Variants in ENTREP2 observed in about 807,000 individuals in gnomAD.
The protein encoded by ENTREP2 is protein ENTREP2.
the ENTREP2 span, among the ~76,000 whole-genome samples, chr15:29,512,826 T>C: frequency 3.3e-5 from 5 of 152,318 alleles, no homozygotes; most frequent in African/African-American, 9.6e-5. Context: ...ACCTCCATAC[T>C]CCATCTCTAG....
chr15:29,574,987 C>T, the ENTREP2 span, among the ~76,000 whole-genome samples: 1 of 152,136 alleles, frequency 6.6e-6, no homozygotes, highest in East Asian at 1.9e-4. Flanking sequence ...TGAGGGAACA[C>T]CAAGCCTAGA....
chr15:29,237,733 C>T, the ENTREP2 span, among the ~76,000 whole-genome samples: 1 of 152,092 alleles, frequency 6.6e-6, no homozygotes, highest in Non-Finnish European at 1.5e-5. Context: ...TGCAGCTGCT[C>T]CGTAAAATGG....
chr15:29,181,200 A>G, the ENTREP2 span, among the ~76,000 whole-genome samples: 3,409 of 152,298 alleles, frequency 0.022, 117 homozygotes, highest in African/African-American at 0.078. Flanking sequence ...AAAACATTCT[A>G]ACATAGTCTC....
the ENTREP2 span, among the ~76,000 whole-genome samples, chr15:29,251,879 A>G: frequency 6.6e-6 from 1 of 152,164 alleles, no homozygotes; most frequent in Non-Finnish European, 1.5e-5. Context: ...CAATGTACAT[A>G]GCACACTGTC....
the ENTREP2 span, among the ~76,000 whole-genome samples, chr15:29,222,490 T>C: frequency 6.6e-6 from 1 of 152,202 alleles, no homozygotes; most frequent in African/African-American, 2.4e-5. Flanking sequence ...CAAGATCCAA[T>C]AGCCCTCTCT....
chr15:29,409,614 C>T, the ENTREP2 span, among the ~76,000 whole-genome samples: 5 of 143,392 alleles, frequency 3.5e-5, no homozygotes, highest in Non-Finnish European at 6.0e-5. Context: ...CATGAGCCAC[C>T]GTGCCCGGCC....
chr15:29,213,585 T>C, the ENTREP2 span, among the ~76,000 whole-genome samples: 1 of 152,182 alleles, frequency 6.6e-6, no homozygotes, highest in Non-Finnish European at 1.5e-5. Context: ...GATTTGGCTC[T>C]CTGCTTGTCT....
chr15:29,222,073 G>A, the ENTREP2 span, among the ~76,000 whole-genome samples: 47 of 152,280 alleles, frequency 3.1e-4, no homozygotes, highest in Admixed American at 1.2e-3. Flanking sequence ...GAGACCTACT[G>A]GGCTGCATTC....
the ENTREP2 span, among the ~76,000 whole-genome samples, chr15:29,450,596 C>T: frequency 4.6e-5 from 7 of 152,142 alleles, no homozygotes; most frequent in Non-Finnish European, 7.3e-5. Flanking sequence ...CCATTCAGCC[C>T]AGCAATCCTA....
chr15:29,603,331 C>T, the ENTREP2 span, among the ~76,000 whole-genome samples: 1 of 152,180 alleles, frequency 6.6e-6, no homozygotes, highest in Non-Finnish European at 1.5e-5. Context: ...CTTGTTAGAA[C>T]ACGAATTCTC....
At chr15:29,377,153 A>C in the ENTREP2 span, among the ~76,000 whole-genome samples, 1 of 152,238 alleles carries the variant, frequency 6.6e-6, no homozygotes, top group African/African-American at 2.4e-5. Context: ...CAGACAATAA[A>C]AGCAGGAGCT....
the ENTREP2 span, among the ~76,000 whole-genome samples, chr15:29,497,431 T>C: frequency 6.6e-6 from 1 of 152,184 alleles, no homozygotes; most frequent in African/African-American, 2.4e-5. Flanking sequence ...TTGTTACTGA[T>C]TCAAACTTCT....
At chr15:29,195,600 C>T in the ENTREP2 span, among the ~76,000 whole-genome samples, 1 of 152,342 alleles carries the variant, frequency 6.6e-6, no homozygotes, top group South Asian at 2.1e-4. Context: ...TCTCGGCTCA[C>T]TGCAACCTCT....
chr15:29,532,430 A>T, the ENTREP2 span, among the ~76,000 whole-genome samples: 21 of 152,234 alleles, frequency 1.4e-4, no homozygotes, highest in Non-Finnish European at 3.1e-4. Context: ...ATTCAAAATC[A>T]TAAGCATAAA....
At chr15:29,408,019 A>G in the ENTREP2 span, among the ~76,000 whole-genome samples, 1 of 152,060 alleles carries the variant, frequency 6.6e-6, no homozygotes, top group African/African-American at 2.4e-5. Context: ...TAACTTTCAG[A>G]GAAAGGATTT....
chr15:29,641,080 A>C, the ENTREP2 span, among the ~76,000 whole-genome samples: 2 of 152,212 alleles, frequency 1.3e-5, no homozygotes, highest in African/African-American at 2.4e-5. Flanking sequence ...AACACACAAC[A>C]ATCTTAATAG....
the ENTREP2 span, among the ~76,000 whole-genome samples, chr15:29,504,605 A>G: frequency 1.3e-5 from 2 of 152,240 alleles, no homozygotes; most frequent in African/African-American, 4.8e-5. Context: ...TTAGGCATCC[A>G]TGAATTCTGC....
the ENTREP2 span, among the ~76,000 whole-genome samples, chr15:29,156,779 G>C: frequency 6.6e-6 from 1 of 152,186 alleles, no homozygotes; most frequent in Non-Finnish European, 1.5e-5. Flanking sequence ...GGAAACATGA[G>C]ATGCCTGCGC....
the ENTREP2 span, among the ~76,000 whole-genome samples, chr15:29,420,397 A>C: frequency 6.6e-6 from 1 of 152,204 alleles, no homozygotes; most frequent in East Asian, 1.9e-4. Flanking sequence ...TGACATAGCC[A>C]GGTGACAGTC....
Sources: allele counts gnomAD v4.1 joint callset (sites outside exome capture counted in the v4.1 genomes callset), GRCh38; gene constraint gnomAD v4.1.1; transcripts MANE v1.5; gene names NCBI Gene and HGNC (gene_info 2026-07-23, HGNC 2026-07-21).